GLIS1: variants seen among roughly 807,000 people sequenced by gnomAD.
GLIS1 encodes the protein GLIS family zinc finger 1.
In GLIS1, 24 loss-of-function variants were observed where a neutral mutation model predicts 63.8. The ratio of observed to expected loss-of-function variants is 0.38; its 90% CI spans 0.27 to 0.53. The LOEUF is 0.53. Ranked by LOEUF, GLIS1 falls within the 20% of genes least tolerant of loss-of-function variation. GLIS1 has a pLI of 0.85. For synonymous variants in GLIS1, 450 were observed against 482.5 expected, an observed-to-expected ratio of 0.93 and a Z score of 0.88; for missense variants, 1,036 against 1,074.1, an observed-to-expected ratio of 0.96 and a Z score of 0.50.
At position 53,592,623 on chromosome 1, in the gene GLIS1, C is replaced by T. The variant is rs566851267; in HGVS notation, c.1320+1485G>A. ...CAGGACCCCAAACAAGCCAGAGCAT[C>T]GCCAGGGGCTGGCCCAGCCACCAGG... On this transcript the variant is annotated intron_variant, in intron 4 of 10. Coordinates refer to ENST00000628545, the MANE Select transcript of GLIS1 (RefSeq NM_001367484.1). 5.9e-5 allele frequency among the ~76,000 whole-genome samples: 9 copies of T among 152,328 alleles called. No homozygotes were observed. In the East Asian group the frequency reaches 1.5e-3, roughly 26 times the overall value.
chr1:53,667,267 C>T (rs1157547562), intron 2 of GLIS1, among the ~76,000 whole-genome samples: 1 of 152,240 alleles, frequency 6.6e-6, no homozygotes, highest in Non-Finnish European at 1.5e-5. Flanking sequence ...CAAAGCTCTC[C>T]TTCTCTCAAT....
At chr1:53,582,132 CA>C (rs1645091399) in intron 4 of GLIS1, among the ~76,000 whole-genome samples, 1 of 152,186 alleles carries the variant, frequency 6.6e-6, no homozygotes, top group Non-Finnish European at 1.5e-5. Context: ...CTTCCAACTT[CA>C]TCTAATCCAA....
chr1:53,651,190 C>T (rs1645903336), intron 2 of GLIS1, among the ~76,000 whole-genome samples: 1 of 152,204 alleles, frequency 6.6e-6, no homozygotes, highest in Admixed American at 6.5e-5. Context: ...CTTTCATGTG[C>T]ACATTGTTTG....
chr1:53,711,047 C>T (rs1241610333), intron 2 of GLIS1, among the ~76,000 whole-genome samples: 1 of 152,124 alleles, frequency 6.6e-6, no homozygotes, highest in Non-Finnish European at 1.5e-5. Context: ...AAACCACTCA[C>T]ACCCTATCAC....
chr1:53,542,192 G>A (rs977489855), intron 4 of GLIS1, among the ~76,000 whole-genome samples: 1 of 152,220 alleles, frequency 6.6e-6, no homozygotes, highest in Non-Finnish European at 1.5e-5. Context: ...GATGGGCCTC[G>A]GTTTTCATCT....
intron 2 of GLIS1, among the ~76,000 whole-genome samples, chr1:53,604,012 T>C (rs1187529642): frequency 1.3e-5 from 2 of 152,236 alleles, no homozygotes; most frequent in Non-Finnish European, 2.9e-5. Context: ...TTTGGTTTTC[T>C]CATCAAGCCT....
At chr1:53,726,404 C>CAGG (rs886644486) in intron 2 of GLIS1, among the ~76,000 whole-genome samples, 1 of 152,178 alleles carries the variant, frequency 6.6e-6, no homozygotes, top group Admixed American at 6.5e-5. Flanking sequence ...CTACTCACAG[C>CAGG]AGGACTCAAC....
chr1:53,698,656 G>A (rs1443934474), intron 2 of GLIS1, among the ~76,000 whole-genome samples: 1 of 152,200 alleles, frequency 6.6e-6, no homozygotes, highest in African/African-American at 2.4e-5. Context: ...GTAGACCGAG[G>A]CTGCTGCCAG....
In GLIS1 at chr1:53,596,563, C is replaced by T. The variant is rs182634976; in HGVS notation, c.438-1573G>A. Among the ~76,000 whole-genome samples, 313 of 152,302 alleles carry T rather than the reference C, an allele frequency of 2.1e-3. 2 individuals carry two copies. The highest frequency in any genetic ancestry group is 6.7e-3 in the Admixed American group (103 of 15,304). On this transcript the variant is annotated intron_variant, in intron 3 of 10. Transcript: ENST00000628545. The stretch of plus-strand genomic sequence containing the variant: ...GAGATGGCCCCGTGACAGCCCTCTG[C>T]GAAGGGGATGGCAGGGTGAGGGGAG...
intron 2 of GLIS1, among the ~76,000 whole-genome samples, chr1:53,676,425 C>T (rs1271507551): frequency 6.6e-6 from 1 of 152,166 alleles, no homozygotes; most frequent in African/African-American, 2.4e-5. Context: ...GGCACAGCAA[C>T]CCAGGGAGGA....
chr1:53,648,089 G>A (rs985390489), intron 2 of GLIS1, among the ~76,000 whole-genome samples: 4 of 152,054 alleles, frequency 2.6e-5, no homozygotes, highest in South Asian at 2.1e-4. Flanking sequence ...TGGGAGGATC[G>A]CTTGAGCCTA....
At chr1:53,737,421 T>A (rs1291421978) in intron 2 of GLIS1, among the ~76,000 whole-genome samples, 1 of 152,212 alleles carries the variant, frequency 6.6e-6, no homozygotes, top group Non-Finnish European at 1.5e-5. Context: ...CTGGGTTTTG[T>A]CAGCTGAGGA....
intron 2 of GLIS1, among the ~76,000 whole-genome samples, chr1:53,716,799 C>T (rs1646702604): frequency 6.6e-6 from 1 of 151,984 alleles, no homozygotes; most frequent in African/African-American, 2.4e-5. Flanking sequence ...TAGAAACCGG[C>T]AGTAGAGAAA....
At chr1:53,568,632 T>C (rs762489759) in intron 4 of GLIS1, among the ~76,000 whole-genome samples, 2 of 152,144 alleles carry the variant, frequency 1.3e-5, no homozygotes, top group African/African-American at 2.4e-5. Context: ...TAGGAGGTGA[T>C]TGGATCATGG....
intron 2 of GLIS1, among the ~76,000 whole-genome samples, chr1:53,638,641 G>A (rs984408540): frequency 8.5e-5 from 13 of 152,186 alleles, no homozygotes; most frequent in African/African-American, 3.1e-4. Flanking sequence ...TGGGGGCAGA[G>A]AGTCCAGTGT....
intron 2 of GLIS1, among the ~76,000 whole-genome samples, chr1:53,720,729 A>G (rs1646745540): frequency 6.6e-6 from 1 of 152,240 alleles, no homozygotes. Context: ...GCATGTGTCA[A>G]AATACCACGT....
chr1:53,675,930 A>G (rs1646207115), intron 2 of GLIS1, among the ~76,000 whole-genome samples: 1 of 151,768 alleles, frequency 6.6e-6, no homozygotes, highest in South Asian at 2.1e-4. Flanking sequence ...CAGAGAGAGA[A>G]GCCTGGAGCC....
At chr1:53,676,869 C>T (rs950022310) in intron 2 of GLIS1, among the ~76,000 whole-genome samples, 2 of 152,208 alleles carry the variant, frequency 1.3e-5, no homozygotes, top group African/African-American at 4.8e-5. Flanking sequence ...ATTATAATTT[C>T]TCTTTCATTC....
chr1:53,544,424 T>C (rs1644677505), intron 4 of GLIS1, among the ~76,000 whole-genome samples: 1 of 152,190 alleles, frequency 6.6e-6, no homozygotes, highest in African/African-American at 2.4e-5. Context: ...CAGGTACATG[T>C]GCATCCTGCC....
Sources: allele counts gnomAD v4.1 joint callset (sites outside exome capture counted in the v4.1 genomes callset), GRCh38; gene constraint gnomAD v4.1.1; transcripts MANE v1.5; gene names NCBI Gene and HGNC (gene_info 2026-07-23, HGNC 2026-07-21).